The following ASTN2 variants were observed in gnomAD, a reference collection of about 807,000 sequenced individuals.
ASTN2 encodes the protein astrotactin-2.
In ASTN2, 54 loss-of-function variants were observed where a neutral mutation model predicts 139.8. The ratio of observed to expected loss-of-function variants is 0.39; its 90% confidence interval spans 0.31 to 0.48. The LOEUF (loss-of-function observed/expected upper bound fraction) is 0.48. ASTN2 is among the 20% of genes least tolerant of loss of function. The pLI, the probability that ASTN2 is intolerant of heterozygous loss-of-function variation, is 0.95. For missense variants in ASTN2, 1,565 were observed against 1,725.1 expected (o/e 0.91, Z 1.64); for synonymous variants, 756 against 719.5 (o/e 1.05, Z -0.81).
intron 11 of ASTN2, among the ~76,000 whole-genome samples, chr9:116,837,359 A>C (rs1302704951): frequency 6.6e-6 from 1 of 152,034 alleles, no homozygotes; most frequent in African/African-American, 2.4e-5. Context: ...TCAGGGGAGG[A>C]CTCATAGGAA....
intron 10 of ASTN2, among the ~76,000 whole-genome samples, chr9:116,914,145 C>T (rs899973106): frequency 8.6e-5 from 13 of 151,516 alleles, no homozygotes; most frequent in African/African-American, 3.2e-4. Context: ...GCTAGAAGAA[C>T]TCGTGCTATG....
intron 10 of ASTN2, among the ~76,000 whole-genome samples, chr9:116,885,474 T>C (rs979724867): frequency 3.3e-5 from 5 of 152,178 alleles, no homozygotes; most frequent in African/African-American, 1.2e-4. Context: ...GAGGCCAGCC[T>C]GGCCAACATG....
Position 116,487,302 on chromosome 9 carries a change from T to C in ASTN2, c.3497+57A>G, listed in dbSNP as rs548549335. The C allele has an allele frequency of 9.2e-5, 147 of 1,597,980 alleles. No individual in the cohort carries two copies. The African/African-American group carries it at 1.9e-3, about 20-fold the overall frequency. On this transcript the variant is annotated intron_variant, in intron 20 of 22. Transcript: ENST00000313400. ...CACAGAATAACTCATGCCATTCCTC[T>C]TAGGCTTAAAATCATCCTGTCTGCC...
intron 3 of ASTN2, among the ~76,000 whole-genome samples, chr9:117,212,633 T>G (rs1349711431): frequency 6.6e-6 from 1 of 152,102 alleles, no homozygotes; most frequent in African/African-American, 2.4e-5. Flanking sequence ...CAAATTGTTC[T>G]GAATAGAAAT....
At chr9:117,307,772 A>T (rs914190616) in intron 1 of ASTN2, among the ~76,000 whole-genome samples, 1 of 152,184 alleles carries the variant, frequency 6.6e-6, no homozygotes, top group African/African-American at 2.4e-5. Context: ...CCTCAAATAC[A>T]TGGGTACATA....
intron 10 of ASTN2, among the ~76,000 whole-genome samples, chr9:116,866,892 C>CAAA (rs57448374): frequency 9.2e-4 from 83 of 90,660 alleles, no homozygotes; most frequent in African/African-American, 3.1e-3. Context: ...GACTCCGTCT[C>CAAA]AAAAAAAAAA....
chr9:117,235,638 T>A (rs1306982544), intron 2 of ASTN2, among the ~76,000 whole-genome samples: 3 of 152,216 alleles, frequency 2.0e-5, no homozygotes, highest in Non-Finnish European at 4.4e-5. Flanking sequence ...AGTACCTCAT[T>A]TGAGCAGCTC....
chr9:117,351,694 C>T (rs549351619), intron 1 of ASTN2, among the ~76,000 whole-genome samples: 10 of 152,272 alleles, frequency 6.6e-5, no homozygotes, highest in African/African-American at 2.2e-4. Flanking sequence ...TTTGGAGGCA[C>T]TTCTGGAAAG....
chr9:117,397,764 G>A (rs1416664815), intron 1 of ASTN2, among the ~76,000 whole-genome samples: 1 of 152,158 alleles, frequency 6.6e-6, no homozygotes, highest in Non-Finnish European at 1.5e-5. Flanking sequence ...CAAAAACAAG[G>A]ATTTCTAGGG....
Position 117,092,715 on chromosome 9 carries a change from C to T in ASTN2, c.1276+3329G>A, listed in dbSNP as rs114877432. Among the ~76,000 whole-genome samples, 981 of 152,300 alleles carry T rather than the reference C, an allele frequency of 6.4e-3. 5 individuals are homozygous for T. The highest frequency in any genetic ancestry group is 0.02 in the South Asian group (96 of 4,828). ...CTTTTATCTCTTTCTTCCCCTACCT[C>T]CTTGAACTTCATCATCTCTTCTGTG... On this transcript the variant is annotated intron_variant, in intron 5 of 22. Coordinates refer to ENST00000313400, the MANE Select transcript of ASTN2 (RefSeq NM_001365068.1).
intron 3 of ASTN2, among the ~76,000 whole-genome samples, chr9:117,180,302 G>A (rs1441158821): frequency 6.6e-6 from 1 of 152,282 alleles, no homozygotes; most frequent in Non-Finnish European, 1.5e-5. Flanking sequence ...TTCCTCTACA[G>A]TCTGCTCTTT....
intron 19 of ASTN2, among the ~76,000 whole-genome samples, chr9:116,540,282 A>G (rs973471958): frequency 6.6e-6 from 1 of 152,218 alleles, no homozygotes; most frequent in African/African-American, 2.4e-5. Context: ...ATCAGATCAC[A>G]GGCTTAAAAC....
intron 1 of ASTN2, among the ~76,000 whole-genome samples, chr9:117,368,192 C>T (rs1415686503): frequency 6.6e-6 from 1 of 152,060 alleles, no homozygotes; most frequent in African/African-American, 2.4e-5. Context: ...TGAAAAGGCA[C>T]AGCAACAAAA....
Position 116,573,202 on chromosome 9 carries a change from G to T in ASTN2, c.3355+45122C>A, listed in dbSNP as rs111908886. 6.4e-3 allele frequency among the ~76,000 whole-genome samples: 977 copies of T among 152,276 alleles called. 6 individuals are homozygous for T. The highest frequency in any genetic ancestry group is 0.036 in the South Asian group (172 of 4,826). On this transcript the variant is annotated intron_variant, in intron 19 of 22. Transcript: ENST00000313400. ...GAGTTTTCATTGCATTCCTTGTGCT[G>T]GTGATTAAAGAAGAGGCTCTGATAA...
chr9:117,204,015 T>C (rs572750299), intron 3 of ASTN2, among the ~76,000 whole-genome samples: 1 of 152,230 alleles, frequency 6.6e-6, no homozygotes, highest in African/African-American at 2.4e-5. Flanking sequence ...GGGGTTCAGG[T>C]CCAGGGAGAT....
At chr9:117,154,812 CTT>C (rs1830397697) in intron 3 of ASTN2, among the ~76,000 whole-genome samples, 2 of 151,978 alleles carry the variant, frequency 1.3e-5, no homozygotes. Flanking sequence ...CTCAGTTGTC[CTT>C]TGTTTACTTA....
At chr9:116,638,580 C>T (rs989792443) in intron 17 of ASTN2, among the ~76,000 whole-genome samples, 3 of 150,650 alleles carry the variant, frequency 2.0e-5, no homozygotes, top group Non-Finnish European at 4.4e-5. Context: ...GACCTAACTA[C>T]ACAGTTACAA....
chr9:116,536,001 T>C (rs927912592), intron 19 of ASTN2, among the ~76,000 whole-genome samples: 10 of 152,156 alleles, frequency 6.6e-5, no homozygotes, highest in Non-Finnish European at 1.0e-4. Context: ...ACCAATCAGA[T>C]GTAGGTTTGG....
intron 6 of ASTN2, among the ~76,000 whole-genome samples, chr9:117,029,985 CTT>C (rs1470259819): frequency 1.3e-5 from 2 of 151,694 alleles, no homozygotes; most frequent in Non-Finnish European, 2.9e-5. Flanking sequence ...CACTAATACT[CTT>C]TGAAGGAGGG....
Sources: gnomAD v4.1 joint callset for allele counts (sites outside exome capture counted in the v4.1 genomes callset) on GRCh38, gnomAD v4.1.1 for gene constraint, MANE v1.5 for transcripts, NCBI Gene and HGNC (gene_info 2026-07-23, HGNC 2026-07-21) for gene names.